Variants in DOCK8 observed in about 807,000 individuals in gnomAD.
The protein encoded by DOCK8 is dedicator of cytokinesis 8.
DOCK8 carries 141 observed loss-of-function variants against 245.6 expected under a neutral mutation model. The ratio of observed to expected loss-of-function variants is 0.57; its 90% CI spans 0.50 to 0.66. The LOEUF (loss-of-function observed/expected upper bound fraction) is 0.66, where lower values mean the gene tolerates loss of function less well. Among genes scored for constraint, DOCK8 ranks in the 30% least tolerant of loss-of-function variants. The probability of loss-of-function intolerance (pLI) is 0.00; values close to 1 mark genes in which losing one functional copy is unlikely to be tolerated. For missense variants in DOCK8, 2,965 were observed against 2,603.4 expected (o/e 1.14, Z -3.02); for synonymous variants, 1,168 against 970.2 (o/e 1.20, Z -3.79).
chr9:458,340 GC>G (rs1213228643), intron 46 of DOCK8: 1 of 152,184 alleles, frequency 6.6e-6, no homozygotes, highest in Non-Finnish European at 1.5e-5. Flanking sequence ...ATTTCCCAGT[GC>G]CTTCACCTAT....
chr9:219,327 C>T (rs2046833667), intron 1 of DOCK8, among the ~76,000 whole-genome samples: 1 of 151,986 alleles, frequency 6.6e-6, no homozygotes. Context: ...AAAAATTAGC[C>T]AGGTGTAGTG....
In DOCK8 at chr9:420,557, A is replaced by G. The variant is rs2131639072; in HGVS notation, c.3997A>G (p.Ile1333Val). The G allele has an allele frequency of 6.2e-7, 1 of 1,614,060 alleles. No individual in the cohort carries two copies. The highest frequency in any genetic ancestry group is 1.7e-5 in the Admixed American group (1 of 60,008). ...CAACAGGATTTTAGATCTACTTTTC[A>G]TCTGTGTGTTATGTTTTGAGTATAA... is the stretch of plus-strand genomic sequence containing the variant. The part of the protein sequence containing the change: ...QLNRILDLLF[I>V]CVLCFEYKGK... The change falls in exon 31 of 48, where the codon ATC (isoleucine) becomes GTC (valine). Residue 1333 changes from isoleucine to valine, a missense_variant. By Grantham distance (29) the Ile-to-Val change is conservative (BLOSUM62 3). This residue lies in a region of DOCK8 where 2,825 missense variants were observed against 2,453.5 expected (regional missense o/e 1.15). Transcript: ENST00000432829.
At chr9:450,911 G>A (rs140006614) in intron 45 of DOCK8, among the ~76,000 whole-genome samples, 2 of 151,198 alleles carry the variant, frequency 1.3e-5, no homozygotes, top group African/African-American at 4.9e-5. Flanking sequence ...AATAGATCAA[G>A]GCAATCCTGA....
At chr9:446,715 G>A (rs2057274724) in intron 44 of DOCK8, 109 bp downstream of exon 44, 1 of 961,826 alleles carries the variant, frequency 1.0e-6, no homozygotes. Context: ...AAGGAGGGAT[G>A]CACTTGAAAT....
intron 18 of DOCK8, among the ~76,000 whole-genome samples, chr9:373,041 C>T (rs2053368142): frequency 6.6e-6 from 1 of 152,132 alleles, no homozygotes; most frequent in African/African-American, 2.4e-5. Context: ...GTGGCGGGTG[C>T]CTGTAATCCC....
chr9:215,550 C>G (rs1587595401), intron 1 of DOCK8: 5 of 1,111,280 alleles, frequency 4.5e-6, no homozygotes, highest in South Asian at 5.8e-5. Flanking sequence ...GAGCTTGGCT[C>G]CTGGTGGCAT....
rs1003537543 is a variant in DOCK8 at position 334,134 on chromosome 9, G to C, written c.1126-91G>C. The C allele has an allele frequency of 1.7e-5, 24 of 1,428,968 alleles. No homozygotes were observed. In the African/African-American group the frequency reaches 2.1e-4, roughly 13 times the overall value. 88.5% of individuals were successfully genotyped at this position (1,428,968 alleles called of 1,614,324 possible). ...TTACTCTTTTTAATCAGTAGGGTTT[G>C]GATTTTGGAGATGGCTGTCATATTC... On this transcript the variant is annotated intron_variant, in intron 10 of 47. Transcript: ENST00000432829.
At chr9:219,116 T>G (rs1402036288) in intron 1 of DOCK8, among the ~76,000 whole-genome samples, 1 of 152,250 alleles carries the variant, frequency 6.6e-6, no homozygotes, top group East Asian at 1.9e-4. Context: ...ATTAATTATT[T>G]ACTATGTGCT....
intron 14 of DOCK8, among the ~76,000 whole-genome samples, chr9:354,306 T>G (rs1487220348): frequency 1.3e-5 from 2 of 152,210 alleles, no homozygotes; most frequent in African/African-American, 4.8e-5. Flanking sequence ...CACTCCAGCC[T>G]GGGAAGAATA....
chr9:305,422 A>G (rs1219931866), intron 5 of DOCK8, among the ~76,000 whole-genome samples: 1 of 151,408 alleles, frequency 6.6e-6, no homozygotes, highest in East Asian at 1.9e-4. Context: ...AGCTGGGACT[A>G]CAGGCTCCCG....
At chr9:229,175 G>A (rs1324889812) in intron 1 of DOCK8, among the ~76,000 whole-genome samples, 1 of 152,044 alleles carries the variant, frequency 6.6e-6, no homozygotes, top group East Asian at 1.9e-4. Flanking sequence ...CAAAATAGTT[G>A]GTCATTTTAA....
intron 13 of DOCK8, among the ~76,000 whole-genome samples, chr9:339,681 A>G (rs1315786893): frequency 6.6e-6 from 1 of 152,032 alleles, no homozygotes; most frequent in Non-Finnish European, 1.5e-5. Flanking sequence ...CGCCCAGCTT[A>G]TTTTTTGTAT....
intron 1 of DOCK8, among the ~76,000 whole-genome samples, chr9:258,105 T>G (rs201075607): frequency 2.4e-5 from 1 of 41,290 alleles, no homozygotes. Flanking sequence ...TTCCATAGTT[T>G]ATTTAACAAA....
At chr9:351,741 A>G (rs926921781) in intron 14 of DOCK8, among the ~76,000 whole-genome samples, 6 of 152,314 alleles carry the variant, frequency 3.9e-5, no homozygotes, top group Admixed American at 6.5e-5. Context: ...AAGTCTGTCT[A>G]CTTAGAGCAA....
At chr9:298,671 G>A (rs1268807018) in intron 4 of DOCK8, among the ~76,000 whole-genome samples, 1 of 151,420 alleles carries the variant, frequency 6.6e-6, no homozygotes, top group Non-Finnish European at 1.5e-5. Context: ...GAGAGAGAGA[G>A]ATGTTCCTTT....
At position 441,344 on chromosome 9, in the gene DOCK8, C is replaced by T. The variant is rs139494783; in HGVS notation, c.5282C>T (p.Ala1761Val). 5.8e-5 allele frequency: 94 copies of T among 1,614,056 alleles called. 1 individual carries two copies. Among genetic ancestry groups the T allele is most frequent in the East Asian group, 3.1e-4 (14 of 44,896 alleles). The part of the protein sequence containing the change: ...VYKLVIPILE[A>V]HREFRKLTLT... ...AAGCTGGTCATCCCCATCCTAGAAG[C>T]GCATCGAGAATTCCGGAAGCTGACA... Residue 1761 changes from alanine to valine, a missense_variant, in exon 41 of 48, where the codon GCG (alanine) becomes GTG (valine). Ala to Val is a moderately conservative substitution (Grantham distance 64). Transcript: ENST00000432829.
intron 46 of DOCK8, among the ~76,000 whole-genome samples, chr9:462,763 A>G (rs973546478): frequency 3.9e-5 from 6 of 152,194 alleles, no homozygotes; most frequent in African/African-American, 1.4e-4. Flanking sequence ...ATATGTACGT[A>G]GCAGGAGGAG....
At chr9:421,155 T>TG in intron 32 of DOCK8, 77 bp downstream of exon 32, 1 of 1,563,412 alleles carries the variant, frequency 6.4e-7, no homozygotes, top group Non-Finnish European at 8.8e-7. Context: ...CCTCCCAACA[T>TG]GATTAGACAC....
intron 16 of DOCK8, among the ~76,000 whole-genome samples, chr9:370,730 A>T (rs2053249652): frequency 6.6e-6 from 1 of 152,198 alleles, no homozygotes; most frequent in South Asian, 2.1e-4. Flanking sequence ...AACACTCATT[A>T]TTCCACCGGC....
Sources: allele counts gnomAD v4.1 joint callset (sites outside exome capture counted in the v4.1 genomes callset), GRCh38; gene constraint gnomAD v4.1.1; regional missense constraint gnomAD v4.1.1; transcripts MANE v1.5; gene names NCBI Gene and HGNC (gene_info 2026-07-23, HGNC 2026-07-21).